The following PCM1 variants were observed in gnomAD, a reference collection of about 807,000 sequenced individuals.
PCM1 encodes the protein pericentriolar material 1 protein.
Under a neutral mutation model 241.9 loss-of-function variants are expected in PCM1, and 157 were observed. The observed-to-expected ratio is 0.65, with a 90% confidence interval of 0.57 to 0.74. The LOEUF is 0.74. PCM1 is among the 30% of genes least tolerant of loss of function. The pLI, the probability that PCM1 is intolerant of heterozygous loss-of-function variation, is 0.00. For missense variants in PCM1, 3,478 were observed against 2,360.1 expected, an observed-to-expected ratio of 1.47 and a Z score of -9.81; for synonymous variants, 1,085 against 784.9, an observed-to-expected ratio of 1.38 and a Z score of -6.39.
intron 36 of PCM1, among the ~76,000 whole-genome samples, chr8:18,018,630 G>A (rs2093447097): frequency 1.3e-5 from 2 of 151,874 alleles, no homozygotes; most frequent in Admixed American, 6.6e-5. Context: ...GGCCAATATG[G>A]TGAAACCCCA....
At chr8:18,007,404 A>ATGTT (rs1367420922) in intron 30 of PCM1, among the ~76,000 whole-genome samples, 1 of 152,244 alleles carries the variant, frequency 6.6e-6, no homozygotes, top group Non-Finnish European at 1.5e-5. Flanking sequence ...TAGTACTAAC[A>ATGTT]GATAATTTCT....
intron 36 of PCM1, among the ~76,000 whole-genome samples, chr8:18,016,908 TC>T (rs1455900272): frequency 6.6e-6 from 1 of 152,202 alleles, no homozygotes; most frequent in East Asian, 1.9e-4. Context: ...AAAGCTGAAC[TC>T]AGAGCCATAG....
chr8:17,991,916 A>G (rs999189270), intron 28 of PCM1, among the ~76,000 whole-genome samples: 1 of 152,114 alleles, frequency 6.6e-6, no homozygotes, highest in Non-Finnish European at 1.5e-5. Context: ...TTGCATACTC[A>G]TAGCTTAGCT....
At chr8:17,952,382 C>G (rs958315253) in intron 8 of PCM1, among the ~76,000 whole-genome samples, 15 of 151,940 alleles carry the variant, frequency 9.9e-5, no homozygotes, top group African/African-American at 3.6e-4. Flanking sequence ...TTTTATGTAA[C>G]GTGGCATTGT....
In PCM1 at chr8:18,001,275, G is replaced by C. The variant is rs146149530; in HGVS notation, c.4828-4988G>C. Among the ~76,000 whole-genome samples, 65 of 152,192 alleles carry C rather than the reference G, an allele frequency of 4.3e-4. No individual in the cohort carries two copies. In the East Asian group the frequency reaches 0.012, roughly 28 times the overall value. On this transcript the variant is annotated intron_variant, in intron 29 of 38. Transcript: ENST00000325083. ...TTGTTAAATATTTGTGTTTATTCTG[G>C]TTTCTTTTCCACTATTACAAACACT...
At chr8:18,008,660 A>G (rs1005064996) in intron 30 of PCM1, among the ~76,000 whole-genome samples, 3 of 152,128 alleles carry the variant, frequency 2.0e-5, no homozygotes, top group Non-Finnish European at 4.4e-5. Context: ...ACAACAGTCT[A>G]ATTAGTTGAG....
intron 15 of PCM1, 83 bp downstream of exon 15, chr8:17,960,527 G>GTTTTTAT: frequency 1.9e-5 from 8 of 412,958 alleles, no homozygotes; most frequent in Non-Finnish European, 3.0e-5. Context: ...TTTTGTTTTT[G>GTTTTTAT]TTTTTCTTTT....
At chr8:17,969,307 AC>A in intron 21 of PCM1, 1 of 307,586 alleles carries the variant, frequency 3.3e-6, no homozygotes. Flanking sequence ...AGAGTGTGTC[AC>A]CCAGTAATTG....
intron 2 of PCM1, among the ~76,000 whole-genome samples, chr8:17,933,250 A>G (rs1350832550): frequency 6.6e-6 from 1 of 152,152 alleles, no homozygotes; most frequent in African/African-American, 2.4e-5. Context: ...TTCTGATTAC[A>G]TGTATTTGAG....
intron 28 of PCM1, among the ~76,000 whole-genome samples, chr8:17,991,958 G>A (rs780817661): frequency 3.3e-5 from 5 of 152,106 alleles, no homozygotes; most frequent in Non-Finnish European, 7.4e-5. Flanking sequence ...GCAACGTTTG[G>A]TTTTCCATTC....
In PCM1 at chr8:17,950,617, G is replaced by T. The variant is rs754653148; in HGVS notation, c.964G>T (p.Val322Phe). 6.4e-7 allele frequency: 1 copy of T among 1,551,532 alleles called. No individual in the cohort carries two copies. Among genetic ancestry groups the T allele is most frequent in the African/African-American group, 1.4e-5 (1 of 73,744 alleles). The change falls in exon 8 of 39, where the codon GTT becomes TTT. Residue 322 changes from valine (V) to phenylalanine (F), a missense_variant and splice_region_variant. Transcript: ENST00000325083. Reference protein sequence around the residue: ...QAIAVMDDSVVAETAGSLSGV... With the variant: ...QAIAVMDDSVFAETAGSLSGV... ...AGTAGTTACTAATTTCTTTCCAGTT[G>T]TTGCAGAAACTGCAGGTAGCTTATC...
At chr8:17,956,480 C>T in intron 10 of PCM1, 124 bp from the exon 11 acceptor site, 1 of 632,304 alleles carries the variant, frequency 1.6e-6, no homozygotes, top group Non-Finnish European at 2.8e-6. Context: ...CTGGAGAGTT[C>T]ACTAGGTGGA....
chr8:18,000,614 G>GTT (rs35485927), intron 29 of PCM1, among the ~76,000 whole-genome samples: 3 of 150,238 alleles, frequency 2.0e-5, no homozygotes, highest in East Asian at 2.0e-4. Flanking sequence ...GAAGAGCTCT[G>GTT]TTTTTTTTGA....
At chr8:17,939,546 A>C (rs12546237) in intron 5 of PCM1, 145 bp from the exon 6 acceptor site, 4 of 428,300 alleles carry the variant, frequency 9.3e-6, no homozygotes, top group Middle Eastern at 5.9e-4. Flanking sequence ...GATTTTTTGC[A>C]TGTGTTAATT....
At chr8:17,977,827 G>A (rs981147625) in intron 23 of PCM1, among the ~76,000 whole-genome samples, 10 of 152,120 alleles carry the variant, frequency 6.6e-5, no homozygotes, top group African/African-American at 2.4e-4. Flanking sequence ...TTGACCACAG[G>A]AATGAGACTT....
Position 17,972,360 on chromosome 8 carries a change from A to G in PCM1, c.3616A>G (p.Ser1206Gly), listed in dbSNP as rs1205486687. The part of the protein sequence containing the change: ...NKKLPEEEVE[S>G]SRTPWLYEQE... ...AAAACTGCCTGAAGAGGAGGTGGAA[A>G]GCAGTAGGACACCATGGTTATATGA... is the stretch of plus-strand genomic sequence containing the variant. The change falls in exon 23 of 39, where the codon AGC becomes GGC. Residue 1206 changes from serine (S) to glycine (G), a missense_variant. Transcript: ENST00000325083. 6.5e-7 allele frequency: 1 copy of G among 1,528,942 alleles called. No individual in the cohort carries two copies. The highest frequency in any genetic ancestry group is 1.4e-5 in the African/African-American group (1 of 71,908). The allele number at this position is 1,528,942 out of a possible 1,614,324, so 94.7% of individuals were successfully genotyped here. A position where few individuals can be genotyped will look rare whatever the true frequency, so the allele number is the denominator to read the frequency against.
chr8:17,985,860 A>G (rs2082409717), intron 25 of PCM1, 99 bp from the exon 26 acceptor site: 4 of 879,476 alleles, frequency 4.5e-6, no homozygotes, highest in Middle Eastern at 3.3e-4. Context: ...GAAACAGTAC[A>G]TTTTTCCTTC....
chr8:17,967,270 G>A (rs1160084329), intron 21 of PCM1, 100 bp downstream of exon 21: 1 of 802,848 alleles, frequency 1.2e-6, no homozygotes, highest in Non-Finnish European at 1.9e-6. Flanking sequence ...CTTTTGGAGT[G>A]GGGTAGGAAA....
In PCM1 at chr8:18,029,051, T is replaced by C. The variant is rs1250443260; in HGVS notation, c.*1389T>C. 1.2e-5 allele frequency: 2 copies of C among 168,100 alleles called. No individual in the cohort carries two copies. Among genetic ancestry groups the C allele is most frequent in the Non-Finnish European group, 2.5e-5 (2 of 81,090 alleles). The allele number at this position is 168,100 out of a possible 1,614,324, so 10.4% of individuals were successfully genotyped here. On this transcript the variant is annotated 3_prime_UTR_variant, in exon 39 of 39. Transcript: ENST00000325083. Reference sequence around the variant, plus strand: ...CTGTAGTCCTAGCTACTTGGGAGGCTAAGGCAGGAGAATAGCCTGAACCCG... The same window carrying C: ...CTGTAGTCCTAGCTACTTGGGAGGCCAAGGCAGGAGAATAGCCTGAACCCG...
Sources: gnomAD v4.1 joint callset for allele counts (sites outside exome capture counted in the v4.1 genomes callset) on GRCh38, gnomAD v4.1.1 for gene constraint, MANE v1.5 for transcripts, NCBI Gene and HGNC (gene_info 2026-07-23, HGNC 2026-07-21) for gene names.